The following CDH18 variants were observed in gnomAD, a reference collection of about 807,000 sequenced individuals.
CDH18 encodes the protein cadherin 18.
In CDH18, 31 loss-of-function variants were observed where a neutral mutation model predicts 67.9. The ratio of observed to expected loss-of-function variants is 0.46; its 90% confidence interval spans 0.34 to 0.62. The LOEUF is 0.62. CDH18 is among the 20% of genes least tolerant of loss of function. The probability of loss-of-function intolerance (pLI) is 0.01; values close to 1 mark genes in which losing one functional copy is unlikely to be tolerated. For missense variants in CDH18, 890 were observed against 975.5 expected (o/e 0.91, Z 1.17); for synonymous variants, 362 against 347.2 (o/e 1.04, Z -0.48).
intron 1 of CDH18, among the ~76,000 whole-genome samples, chr5:20,464,320 G>A (rs1751483337): frequency 6.6e-6 from 1 of 152,174 alleles, no homozygotes. Context: ...AGTTGCATAT[G>A]AGTGAGGAAG....
intron 1 of CDH18, among the ~76,000 whole-genome samples, chr5:20,334,294 C>T (rs1050772234): frequency 4.6e-5 from 7 of 151,024 alleles, no homozygotes; most frequent in East Asian, 2.0e-4. Flanking sequence ...CCACCTCGCC[C>T]GGCTAATTTT....
At chr5:20,361,943 G>A (rs1223828875) in intron 1 of CDH18, among the ~76,000 whole-genome samples, 1 of 152,110 alleles carries the variant, frequency 6.6e-6, no homozygotes, top group Non-Finnish European at 1.5e-5. Context: ...TAGTATAAAT[G>A]TTACTTGAAG....
In CDH18 at chr5:20,103,888, C is replaced by A. The variant is rs115289494; in HGVS notation, c.-517-111874G>T. The stretch of plus-strand genomic sequence containing the variant: ...AGAGATTGAAGGTTAACCTGTACTA[C>A]CCCTTTTCTATGTTTAGGTACACAA... On this transcript the variant is annotated intron_variant, in intron 2 of 14. Transcript: ENST00000507958. Among the ~76,000 whole-genome samples, 310 of 151,136 alleles carry A rather than the reference C, an allele frequency of 2.1e-3. 2 individuals carry two copies. Among genetic ancestry groups the A allele is most frequent in the African/African-American group, 7.3e-3 (302 of 41,340 alleles).
chr5:20,255,105 A>G (rs1744132073), intron 2 of CDH18, among the ~76,000 whole-genome samples: 1 of 152,176 alleles, frequency 6.6e-6, no homozygotes, highest in Non-Finnish European at 1.5e-5. Flanking sequence ...ATAAGGGAAC[A>G]AAAGACATGG....
intron 1 of CDH18, among the ~76,000 whole-genome samples, chr5:20,408,617 A>T (rs564800991): frequency 6.6e-6 from 1 of 152,044 alleles, no homozygotes; most frequent in Non-Finnish European, 1.5e-5. Context: ...AAATGAAAGC[A>T]TATTAATACT....
intron 2 of CDH18, among the ~76,000 whole-genome samples, chr5:20,095,415 GAAAGAAAGAAAGAAAGAAAGAAAGAAAGA>G (rs1160300626): frequency 8.2e-6 from 1 of 122,634 alleles, no homozygotes; most frequent in East Asian, 2.5e-4. Flanking sequence ...AAGAAAGAAA[GAAAGAAAGAAAGAAAGAAAGAAAGAAAGA>G]AAAGAAAGAA....
At chr5:19,585,664 T>C (rs1744029474) in intron 7 of CDH18, among the ~76,000 whole-genome samples, 1 of 152,196 alleles carries the variant, frequency 6.6e-6, no homozygotes, top group African/African-American at 2.4e-5. Flanking sequence ...TCCCTGTGCA[T>C]AGAAACACTC....
chr5:19,654,251 G>C (rs975003931), intron 5 of CDH18, among the ~76,000 whole-genome samples: 5 of 152,170 alleles, frequency 3.3e-5, no homozygotes, highest in African/African-American at 7.2e-5. Context: ...ATAAGAGCAA[G>C]AAGAGGTGAT....
At chr5:19,676,608 G>A (rs1176828010) in intron 5 of CDH18, among the ~76,000 whole-genome samples, 3 of 152,092 alleles carry the variant, frequency 2.0e-5, no homozygotes, top group Middle Eastern at 3.4e-3. Context: ...AAAATCTCAG[G>A]TAATGGTCTC....
intron 2 of CDH18, among the ~76,000 whole-genome samples, chr5:19,924,500 C>T (rs1792878256): frequency 2.6e-5 from 4 of 152,042 alleles, no homozygotes; most frequent in Admixed American, 2.6e-4. Context: ...GTGGCAGGCG[C>T]CTATAATCCC....
intron 3 of CDH18, among the ~76,000 whole-genome samples, chr5:19,809,023 TA>T (rs1169387995): frequency 6.6e-6 from 1 of 151,990 alleles, no homozygotes; most frequent in Non-Finnish European, 1.5e-5. Context: ...GAAAGGATAT[TA>T]AAAATATTAT....
intron 5 of CDH18, among the ~76,000 whole-genome samples, chr5:19,702,752 C>T (rs143581318): frequency 6.6e-6 from 1 of 152,060 alleles, no homozygotes; most frequent in African/African-American, 2.4e-5. Flanking sequence ...AAGCAGGCCC[C>T]AAAACTGGCC....
At chr5:19,501,780 C>T (rs1029345564) in intron 11 of CDH18, among the ~76,000 whole-genome samples, 15 of 152,162 alleles carry the variant, frequency 9.9e-5, no homozygotes, top group Middle Eastern at 3.4e-3. Context: ...GTTAAATAAC[C>T]TCTGCCAAAT....
intron 2 of CDH18, among the ~76,000 whole-genome samples, chr5:20,035,516 C>T (rs1739773761): frequency 6.6e-6 from 1 of 152,060 alleles, no homozygotes; most frequent in South Asian, 2.1e-4. Flanking sequence ...GGGAAGCAGT[C>T]ACATCTTACA....
rs567760107 is a variant in CDH18 at position 20,573,686 on chromosome 5, TTCTG to T, written c.-580+1772_-580+1775del. Among the ~76,000 whole-genome samples the T allele has an allele frequency of 6.6e-5, 10 of 150,476 alleles. No homozygotes were observed. The East Asian group carries it at 1.8e-3, about 26-fold the overall frequency. ...AAGGTTATAATAGATTTAAAACAAA[TTCTG>T]TCTGTGAATTTGGCATGATACTGCA... On this transcript the variant is annotated intron_variant, in intron 1 of 14. Coordinates refer to the CDH18 transcript ENST00000507958.
At chr5:19,615,317 C>G (rs1324559840) in intron 5 of CDH18, among the ~76,000 whole-genome samples, 1 of 152,072 alleles carries the variant, frequency 6.6e-6, no homozygotes, top group African/African-American at 2.4e-5. Flanking sequence ...GGAACCCAGA[C>G]GCATTTTCTG....
At chr5:19,964,733 G>GA (rs11381373) in intron 2 of CDH18, among the ~76,000 whole-genome samples, 18,744 of 151,140 alleles carry the variant, frequency 0.12, 3,318 homozygotes, top group African/African-American at 0.39. Flanking sequence ...TTTAGAACCT[G>GA]AAAAAATTTA....
At chr5:20,393,111 G>A (rs1745005160) in intron 1 of CDH18, among the ~76,000 whole-genome samples, 1 of 151,840 alleles carries the variant, frequency 6.6e-6, no homozygotes, top group Non-Finnish European at 1.5e-5. Flanking sequence ...ATATGAGGTG[G>A]CATAGGTGTC....
intron 2 of CDH18, among the ~76,000 whole-genome samples, chr5:19,906,596 A>T (rs770971318): frequency 1.4e-4 from 22 of 152,108 alleles, no homozygotes; most frequent in Admixed American, 5.2e-4. Flanking sequence ...GACCCACAGA[A>T]TCCAAGTTAC....
Sources: gnomAD v4.1 joint callset for allele counts (sites outside exome capture counted in the v4.1 genomes callset) on GRCh38, gnomAD v4.1.1 for gene constraint, MANE v1.5 for transcripts, NCBI Gene and HGNC (gene_info 2026-07-23, HGNC 2026-07-21) for gene names.